Variants in TG observed in about 807,000 individuals in gnomAD.
TG encodes thyroid hormones.
Under a neutral mutation model 324.7 loss-of-function variants are expected in TG, and 270 were observed. The ratio of observed to expected loss-of-function variants is 0.83; its 90% confidence interval spans 0.75 to 0.92. TG has a LOEUF of 0.92. Among genes scored for constraint, TG ranks in the 40% least tolerant of loss-of-function variants. TG has a pLI of 0.00. For missense variants in TG, 3,591 were observed against 3,456.4 expected (o/e 1.04, Z -0.98); for synonymous variants, 1,401 against 1,327.0 (o/e 1.06, Z -1.21).
chr8:133,105,998 A>C (rs1461258919), intron 43 of TG, among the ~76,000 whole-genome samples: 1 of 152,112 alleles, frequency 6.6e-6, no homozygotes, highest in Non-Finnish European at 1.5e-5. Context: ...TGGAGTGCAC[A>C]TCTAGCTGAG....
At chr8:132,907,873 C>T (rs1158689682) in intron 17 of TG, among the ~76,000 whole-genome samples, 1 of 152,040 alleles carries the variant, frequency 6.6e-6, no homozygotes, top group Admixed American at 6.5e-5. Context: ...CCTGAAAAAC[C>T]ATACAGAGTG....
At chr8:133,055,436 C>T (rs534513570) in intron 41 of TG, among the ~76,000 whole-genome samples, 1 of 152,118 alleles carries the variant, frequency 6.6e-6, no homozygotes, top group Non-Finnish European at 1.5e-5. Context: ...ACCAATCACA[C>T]AGAGCTGGAC....
At chr8:132,875,378 T>TA (rs1176735405) in intron 5 of TG, among the ~76,000 whole-genome samples, 1 of 152,258 alleles carries the variant, frequency 6.6e-6, no homozygotes, top group Admixed American at 6.5e-5. Context: ...TAACTTACCT[T>TA]AATACTTATA....
chr8:133,006,911 A>G (rs368948111), intron 35 of TG, among the ~76,000 whole-genome samples: 1 of 152,348 alleles, frequency 6.6e-6, no homozygotes, highest in African/African-American at 2.4e-5. Context: ...GTGTATTAGA[A>G]TGGGCCATAA....
chr8:132,949,312 T>C (rs1372376908), intron 27 of TG, among the ~76,000 whole-genome samples: 1 of 152,192 alleles, frequency 6.6e-6, no homozygotes, highest in Non-Finnish European at 1.5e-5. Context: ...TACTCTTCTG[T>C]AGATGGCAGA....
rs1850465614 is a variant in TG, at chr8:133,113,761, G to A, written c.7754+158G>A. On this transcript the variant is annotated intron_variant, in intron 44 of 47. Coordinates refer to ENST00000220616, the MANE Select transcript of TG (RefSeq NM_003235.5). ...AGCCTACAGCATGGGGAGTGTCCCT[G>A]CTGAGGGGAAGCCCTGGAGGACATG... The A allele has an allele frequency of 4.6e-6, 4 of 869,654 alleles. No homozygotes were observed. The Admixed American group carries it at 9.8e-5, about 21-fold the overall frequency. The allele number at this position is 869,654 out of a possible 1,614,324, so 53.9% of individuals were successfully genotyped here.
rs146267504 is a variant in TG, at chr8:132,962,974, A to G, written c.5468-20A>G. 10 of 1,611,522 alleles carry G rather than the reference A, an allele frequency of 6.2e-6. No individual in the cohort carries two copies. The Admixed American group carries it at 1.7e-4, about 27-fold the overall frequency. On this transcript the variant is annotated intron_variant, in intron 28 of 47. Coordinates refer to ENST00000220616, the MANE Select transcript of TG (RefSeq NM_003235.5). ...ACCCATTCTCCCCAACATTGCAACA[A>G]CTCTTTTTTTTCCTCCTAGATTCTG...
intron 10 of TG, among the ~76,000 whole-genome samples, chr8:132,891,235 A>G (rs1054923225): frequency 6.6e-6 from 1 of 152,080 alleles, no homozygotes; most frequent in African/African-American, 2.4e-5. Flanking sequence ...GCATGCACTG[A>G]GTCAATGAAG....
chr8:133,109,076 G>T (rs886776623), intron 43 of TG, among the ~76,000 whole-genome samples: 7 of 152,188 alleles, frequency 4.6e-5, no homozygotes, highest in African/African-American at 1.7e-4. Context: ...CGGGGTCCTG[G>T]AACTACAAGG....
chr8:132,883,729 G>C (rs1339511021), intron 8 of TG, among the ~76,000 whole-genome samples: 3 of 152,282 alleles, frequency 2.0e-5, no homozygotes, highest in Non-Finnish European at 2.9e-5. Flanking sequence ...CTGGAGGAGA[G>C]ACTCAAAGAA....
At chr8:133,055,824 CCAGCAGCAGCAG>C (rs36210010) in intron 41 of TG, among the ~76,000 whole-genome samples, 22 of 150,884 alleles carry the variant, frequency 1.5e-4, no homozygotes, top group Admixed American at 9.9e-4. Flanking sequence ...CTCCTCATCA[CCAGCAGCAGCAG>C]CAGCAGCAGC....
Position 133,090,522 on chromosome 8 carries a change from C to A in TG, c.7240-4522C>A, listed in dbSNP as rs565386071. 7.9e-5 allele frequency among the ~76,000 whole-genome samples: 12 copies of A among 152,330 alleles called. 1 individual carries two copies. In the East Asian group the frequency reaches 1.3e-3, roughly 17 times the overall value. The stretch of plus-strand genomic sequence containing the variant: ...GCTTTGCATGTAGAGGCACTTTCCC[C>A]CAAGTCAGACAGCGCAAGGGACTTG... On this transcript the variant is annotated intron_variant, in intron 41 of 47. Coordinates refer to ENST00000220616, the MANE Select transcript of TG (RefSeq NM_003235.5).
chr8:132,924,111 T>G (rs1219381496), intron 22 of TG, among the ~76,000 whole-genome samples: 2 of 152,042 alleles, frequency 1.3e-5, no homozygotes, highest in African/African-American at 2.4e-5. Context: ...CTTTTTTCCC[T>G]GCAACTAGAT....
chr8:132,888,788 A>C (rs1368880583), intron 10 of TG, among the ~76,000 whole-genome samples: 2 of 152,152 alleles, frequency 1.3e-5, no homozygotes, highest in Non-Finnish European at 1.5e-5. Context: ...TATATTTTAA[A>C]ACTTTCATAT....
At chr8:133,117,398 G>T (rs540547367) in intron 45 of TG, among the ~76,000 whole-genome samples, 2 of 152,354 alleles carry the variant, frequency 1.3e-5, no homozygotes, top group East Asian at 1.9e-4. Flanking sequence ...CAGCTTCAGA[G>T]TGAAAGAACA....
At chr8:133,111,145 C>A (rs187827473) in intron 43 of TG, among the ~76,000 whole-genome samples, 3 of 152,320 alleles carry the variant, frequency 2.0e-5, no homozygotes, top group Admixed American at 1.3e-4. Context: ...CAAAAACCAC[C>A]CATCCTTCCA....
chr8:132,990,158 T>TTATATATATATATATATA (rs10536232), intron 35 of TG, among the ~76,000 whole-genome samples: 26 of 141,706 alleles, frequency 1.8e-4, no homozygotes, highest in African/African-American at 6.6e-4. Context: ...AGCTATACAA[T>TTATATATATATATATATA]TATATATATA....
rs28441030 is a variant in TG at position 133,122,736 on chromosome 8, G to A, written c.7862+6020G>A. Among the ~76,000 whole-genome samples, 1,222 of 152,304 alleles carry A rather than the reference G, an allele frequency of 8.0e-3. 17 individuals are homozygous for A. The highest frequency in any genetic ancestry group is 0.028 in the African/African-American group (1,154 of 41,556). ...ATCTGGGTTGTGTGAATGTCTCTGCGTGTGAGTGTATGCATGTATGTGTAT... is the reference window on the plus strand; with the variant it reads ...ATCTGGGTTGTGTGAATGTCTCTGCATGTGAGTGTATGCATGTATGTGTAT... On this transcript the variant is annotated intron_variant, in intron 45 of 47. Transcript: ENST00000220616.
intron 16 of TG, among the ~76,000 whole-genome samples, chr8:132,903,630 G>A (rs1291180234): frequency 6.6e-6 from 1 of 152,208 alleles, no homozygotes; most frequent in Non-Finnish European, 1.5e-5. Context: ...TAGTCCTGGG[G>A]TCCTGGAGTT....
Sources: gnomAD v4.1 joint callset for allele counts (sites outside exome capture counted in the v4.1 genomes callset) on GRCh38, gnomAD v4.1.1 for gene constraint, MANE v1.5 for transcripts, NCBI Gene and HGNC (gene_info 2026-07-23, HGNC 2026-07-21) for gene names.